The following ASH1L variants were observed in gnomAD, a reference collection of about 807,000 sequenced individuals.
ASH1L encodes ASH1 like histone lysine methyltransferase, also known as histone-lysine N-methyltransferase ASH1L.
A neutral mutation model predicts 269.0 loss-of-function variants in ASH1L; 23 were observed. The observed-to-expected ratio is 0.09, with a 90% CI of 0.06 to 0.12. ASH1L has a LOEUF of 0.12. Among genes scored for constraint, ASH1L ranks in the 10% least tolerant of loss-of-function variants. The probability of loss-of-function intolerance (pLI) is 1.00; values close to 1 mark genes in which losing one functional copy is unlikely to be tolerated. For missense variants in ASH1L, 2,912 were observed against 3,567.8 expected (o/e 0.82, Z 4.68); for synonymous variants, 1,187 against 1,253.5 (o/e 0.95, Z 1.12).
At chr1:155,467,527 A>G (rs1489635222) in intron 3 of ASH1L, among the ~76,000 whole-genome samples, 3 of 152,210 alleles carry the variant, frequency 2.0e-5, no homozygotes, top group South Asian at 2.1e-4. Flanking sequence ...TTAAGTCTTC[A>G]TAAGATTTAA....
chr1:155,397,200 G>A (rs969703589), intron 6 of ASH1L, among the ~76,000 whole-genome samples: 2 of 151,598 alleles, frequency 1.3e-5, no homozygotes, highest in African/African-American at 4.8e-5. Context: ...CTGAATCAGT[G>A]TAAGAAAGAT....
chr1:155,482,481 G>C (rs1666025674), intron 2 of ASH1L, 32 bp from the exon 3 acceptor site: 1 of 1,570,266 alleles, frequency 6.4e-7, no homozygotes, highest in Non-Finnish European at 8.6e-7. Flanking sequence ...AGTTAAAGAG[G>C]GAGTAAACCT....
At chr1:155,406,624 G>A (rs1392004996) in intron 6 of ASH1L, among the ~76,000 whole-genome samples, 1 of 151,976 alleles carries the variant, frequency 6.6e-6, no homozygotes, top group Non-Finnish European at 1.5e-5. Flanking sequence ...GATGGTTTGA[G>A]CCTGGGAGAA....
intron 4 of ASH1L, among the ~76,000 whole-genome samples, chr1:155,443,618 A>T (rs1256729513): frequency 6.6e-6 from 1 of 152,212 alleles, no homozygotes; most frequent in Non-Finnish European, 1.5e-5. Flanking sequence ...ACAGCCTCAG[A>T]GAAGAAACAA....
chr1:155,349,523 C>T lies in ASH1L; in HGVS notation c.7421+19G>A. On this transcript the variant is annotated intron_variant, in intron 18 of 27. Transcript: ENST00000392403. The stretch of plus-strand genomic sequence containing the variant: ...GCACTTTTTAAAAACTCAGATGATT[C>T]CCACAAATGTGAACCTACTTTTTCT... 6.2e-7 allele frequency: 1 copy of T among 1,613,932 alleles called. No individual in the cohort carries two copies. Among genetic ancestry groups the T allele is most frequent in the South Asian group, 1.1e-5 (1 of 91,070 alleles).
chr1:155,515,330 T>C (rs1242515571), intron 2 of ASH1L, among the ~76,000 whole-genome samples: 2 of 152,146 alleles, frequency 1.3e-5, no homozygotes, highest in African/African-American at 4.8e-5. Context: ...TCTTCAAGCA[T>C]CTCAACAATT....
intron 2 of ASH1L, among the ~76,000 whole-genome samples, chr1:155,489,900 A>C (rs1041995588): frequency 6.6e-6 from 1 of 152,154 alleles, no homozygotes; most frequent in African/African-American, 2.4e-5. Flanking sequence ...TCCTTCAGGT[A>C]AATTTTTAAA....
At chr1:155,456,203 T>C (rs2148664919) in intron 4 of ASH1L, among the ~76,000 whole-genome samples, 1 of 152,322 alleles carries the variant, frequency 6.6e-6, no homozygotes, top group African/African-American at 2.4e-5. Context: ...TGTCCATGTA[T>C]TTTCAGGTTT....
At chr1:155,433,863 A>G in intron 5 of ASH1L, 1 of 1,605,246 alleles carries the variant, frequency 6.2e-7, no homozygotes, top group South Asian at 1.1e-5. Flanking sequence ...ACCCTCTTGC[A>G]GGCTCGAAAG....
intron 7 of ASH1L, among the ~76,000 whole-genome samples, chr1:155,389,346 A>C (rs1657708953): frequency 6.6e-6 from 1 of 151,932 alleles, no homozygotes; most frequent in Non-Finnish European, 1.5e-5. Context: ...GGAGATATAT[A>C]TTTATATTAT....
At chr1:155,427,539 G>A (rs1237915477) in intron 5 of ASH1L, among the ~76,000 whole-genome samples, 2 of 152,028 alleles carry the variant, frequency 1.3e-5, no homozygotes, top group South Asian at 2.1e-4. Context: ...CCTGACCTCA[G>A]GTGATCCGCC....
chr1:155,393,808 T>TC (rs1219457678), intron 7 of ASH1L, among the ~76,000 whole-genome samples: 1 of 152,144 alleles, frequency 6.6e-6, no homozygotes, highest in African/African-American at 2.4e-5. Flanking sequence ...TGCCTAGGTC[T>TC]CCCAAACTGC....
At chr1:155,425,268 C>A (rs1261148040) in intron 5 of ASH1L, among the ~76,000 whole-genome samples, 1 of 150,848 alleles carries the variant, frequency 6.6e-6, no homozygotes, top group South Asian at 2.1e-4. Flanking sequence ...GGCCACCACG[C>A]CCGGCCTAGT....
chr1:155,419,733 C>A (rs1214844657), intron 5 of ASH1L, among the ~76,000 whole-genome samples: 1 of 152,084 alleles, frequency 6.6e-6, no homozygotes. Flanking sequence ...TTATTAAGGA[C>A]AAGGCAAACA....
chr1:155,557,523 G>A (rs566290400), intron 1 of ASH1L, among the ~76,000 whole-genome samples: 85 of 151,642 alleles, frequency 5.6e-4, no homozygotes, highest in African/African-American at 1.9e-3. Flanking sequence ...CTTGTGATCC[G>A]CCCACCTCGG....
chr1:155,354,689 T>A (rs1163650340), intron 15 of ASH1L, 59 bp from the exon 16 acceptor site: 1 of 1,528,520 alleles, frequency 6.5e-7, no homozygotes, highest in African/African-American at 1.4e-5. Context: ...ATGTATTACA[T>A]GTCTACTCTA....
rs142145021 is a variant in ASH1L, at chr1:155,365,372, A to ATTTT, written c.6687-4967_6687-4964dup. ...AGGTGTATGCCACTATGCCCGGCTG[A>ATTTT]TTTTTTTTTTTTTTTTTTTTTTGTA... is the stretch of plus-strand genomic sequence containing the variant. On this transcript the variant is annotated intron_variant, in intron 12 of 27. Coordinates refer to ENST00000392403, the MANE Select transcript of ASH1L (RefSeq NM_018489.3). 3.7e-3 allele frequency among the ~76,000 whole-genome samples: 458 copies of ATTTT among 124,188 alleles called. 6 individuals are homozygous for ATTTT. The highest frequency in any genetic ancestry group is 0.014 in the African/African-American group (432 of 31,082). The allele number at this position is 124,188 out of a possible 152,430, so 81.5% of individuals were successfully genotyped here.
At chr1:155,364,955 G>A (rs546729419) in intron 12 of ASH1L, among the ~76,000 whole-genome samples, 27 of 147,590 alleles carry the variant, frequency 1.8e-4, no homozygotes, top group Non-Finnish European at 3.0e-4. Flanking sequence ...GCTGCTCTGC[G>A]CCTATGGAGT....
At position 155,343,421 on chromosome 1, in the gene ASH1L, C is replaced by A; in HGVS notation, c.8186G>T (p.Arg2729Leu). 6.2e-7 allele frequency: 1 copy of A among 1,614,134 alleles called. No homozygotes were observed. The stretch of plus-strand genomic sequence containing the variant: ...AAATAGTTCATTATGATAGAACCGA[C>A]GGGATGGAGAGTGGTGTGTTTCGTG... The part of the protein sequence containing the change: ...RPHETHHSPS[R>L]RFYHNELFRV... Residue 2729 changes from arginine (R) to leucine (L), a missense_variant, in exon 24 of 28, where the codon CGT becomes CTT. Physicochemically the swap from Arg to Leu is moderately radical, Grantham distance 102 (BLOSUM62 -2). Transcript: ENST00000392403. This position sits in a 1 kb window ranked among gnomAD's most constrained non-coding sequence, Gnocchi z 6.1.
Sources: gnomAD v4.1 joint callset for allele counts (sites outside exome capture counted in the v4.1 genomes callset) on GRCh38, gnomAD v4.1.1 for gene constraint, Gnocchi (gnomAD v3.1) non-coding constraint, MANE v1.5 for transcripts, NCBI Gene and HGNC (gene_info 2026-07-23, HGNC 2026-07-21) for gene names.